PTPN4: variants seen among roughly 807,000 people sequenced by gnomAD.
The protein encoded by PTPN4 is protein tyrosine phosphatase non-receptor type 4.
A neutral mutation model predicts 135.5 loss-of-function variants in PTPN4; 49 were observed. The observed-to-expected ratio is 0.36, with a 90% CI of 0.29 to 0.46. The LOEUF is 0.46. PTPN4 is among the 20% of genes least tolerant of loss of function. The pLI is 1.00. For missense variants in PTPN4, 860 were observed against 1,101.0 expected (o/e 0.78, Z 3.10); for synonymous variants, 333 against 369.9 (o/e 0.90, Z 1.14).
chr2:119,922,293 T>A (rs1260597777), intron 12 of PTPN4, among the ~76,000 whole-genome samples: 1 of 151,168 alleles, frequency 6.6e-6, no homozygotes, highest in Non-Finnish European at 1.5e-5. Context: ...TTACTGCCCT[T>A]GGGGAAGATT....
intron 1 of PTPN4, among the ~76,000 whole-genome samples, chr2:119,805,917 G>A (rs996066300): frequency 9.9e-5 from 15 of 152,254 alleles, no homozygotes; most frequent in African/African-American, 2.6e-4. Context: ...CCATGAGCAT[G>A]GAATGTTCTT....
intron 10 of PTPN4, among the ~76,000 whole-genome samples, chr2:119,914,543 A>G (rs1162240760): frequency 2.0e-5 from 3 of 152,146 alleles, no homozygotes; most frequent in Non-Finnish European, 4.4e-5. Flanking sequence ...ACTTAGAATT[A>G]TCATGAAAAT....
chr2:119,776,886 G>A (rs1690847401), intron 1 of PTPN4, among the ~76,000 whole-genome samples: 1 of 152,184 alleles, frequency 6.6e-6, no homozygotes, highest in Non-Finnish European at 1.5e-5. Context: ...GGAAAGTCAA[G>A]AGTTACATGG....
chr2:119,772,976 A>C (rs187829637), intron 1 of PTPN4, among the ~76,000 whole-genome samples: 1 of 152,320 alleles, frequency 6.6e-6, no homozygotes, highest in Non-Finnish European at 1.5e-5. Flanking sequence ...CACTTCTGAA[A>C]GTGTTTTGAA....
At chr2:119,936,954 A>C (rs929679782) in intron 15 of PTPN4, among the ~76,000 whole-genome samples, 2 of 152,224 alleles carry the variant, frequency 1.3e-5, no homozygotes, top group Non-Finnish European at 2.9e-5. Context: ...TGAAAAGATA[A>C]GCTTAATAAT....
At chr2:119,976,198 C>T (rs1172583946) in intron 26 of PTPN4, among the ~76,000 whole-genome samples, 1 of 151,768 alleles carries the variant, frequency 6.6e-6, no homozygotes, top group South Asian at 2.1e-4. Context: ...GGGGTTTCAC[C>T]GTGTTAGCCA....
chr2:119,960,746 A>G (rs12618050), intron 22 of PTPN4, 61 bp from the exon 23 acceptor site: 1,026,550 of 1,536,166 alleles, frequency 0.67, 348,791 homozygotes, highest in East Asian at 0.81. Context: ...TGATTTTCCT[A>G]TTCCTGATTA....
chr2:119,817,821 A>G (rs1677011448), intron 2 of PTPN4, among the ~76,000 whole-genome samples: 1 of 151,998 alleles, frequency 6.6e-6, no homozygotes, highest in African/African-American at 2.4e-5. Context: ...TCCATTTGTT[A>G]GTGTCCTCTA....
chr2:119,975,084 A>G (rs112046625), intron 26 of PTPN4, among the ~76,000 whole-genome samples: 3 of 152,120 alleles, frequency 2.0e-5, no homozygotes, highest in East Asian at 1.9e-4. Context: ...TATGCAGTCA[A>G]ATTACTGAGG....
chr2:119,764,299 C>T (rs1459731524), intron 1 of PTPN4, among the ~76,000 whole-genome samples: 1 of 152,192 alleles, frequency 6.6e-6, no homozygotes, highest in Non-Finnish European at 1.5e-5. Context: ...ATGCCACCTT[C>T]CCGTTTAAAA....
chr2:119,918,519 T>C (rs751716912), intron 11 of PTPN4, among the ~76,000 whole-genome samples: 2 of 152,278 alleles, frequency 1.3e-5, no homozygotes, highest in Non-Finnish European at 2.9e-5. Context: ...GCCATTAACA[T>C]TGAACCTCAA....
intron 1 of PTPN4, among the ~76,000 whole-genome samples, chr2:119,763,321 G>C (rs2104914477): frequency 6.6e-6 from 1 of 152,192 alleles, no homozygotes; most frequent in East Asian, 1.9e-4. Context: ...TATCAATTTG[G>C]GTTGGTTATT....
At chr2:119,928,934 A>G (rs1266873452) in intron 13 of PTPN4, among the ~76,000 whole-genome samples, 2 of 152,100 alleles carry the variant, frequency 1.3e-5, no homozygotes, top group Non-Finnish European at 2.9e-5. Flanking sequence ...TTTTGATCCT[A>G]TCAGATTTTA....
At chr2:119,857,849 G>A (rs1677704617) in intron 2 of PTPN4, among the ~76,000 whole-genome samples, 1 of 152,062 alleles carries the variant, frequency 6.6e-6, no homozygotes. Flanking sequence ...GATATGGTTT[G>A]GATGTTTGTC....
At chr2:119,883,354 T>C (rs1366465140) in intron 8 of PTPN4, among the ~76,000 whole-genome samples, 1 of 152,124 alleles carries the variant, frequency 6.6e-6, no homozygotes, top group East Asian at 1.9e-4. Context: ...CTTGAAAAAA[T>C]CTGAAATCTG....
In PTPN4 at chr2:119,760,132, T is replaced by C. The variant is rs1427183099; in HGVS notation, c.-270T>C. 2 of 391,382 alleles carry C rather than the reference T, an allele frequency of 5.1e-6. No homozygotes were observed. Among genetic ancestry groups the C allele is most frequent in the African/African-American group, 4.1e-5 (2 of 48,324 alleles). The allele number at this position is 391,382 out of a possible 1,614,324, so 24.2% of individuals were successfully genotyped here. ...TTGGGGGTGTGGATTATCTCATCCCTGCAGGGAGGTAGGAGAGGTCGCCGG... is the reference window on the plus strand; with the variant it reads ...TTGGGGGTGTGGATTATCTCATCCCCGCAGGGAGGTAGGAGAGGTCGCCGG... On this transcript the variant is annotated 5_prime_UTR_variant, in exon 1 of 27. Coordinates refer to ENST00000263708, the MANE Select transcript of PTPN4 (RefSeq NM_002830.4).
intron 26 of PTPN4, among the ~76,000 whole-genome samples, chr2:119,975,984 TTTA>T (rs1481177964): frequency 2.5e-4 from 30 of 119,850 alleles, no homozygotes; most frequent in African/African-American, 9.4e-4. Flanking sequence ...TTATTTTATT[TTTA>T]TTTATTTATT....
At chr2:119,820,738 A>G (rs1286781180) in intron 2 of PTPN4, among the ~76,000 whole-genome samples, 26 of 152,184 alleles carry the variant, frequency 1.7e-4, no homozygotes, top group Admixed American at 1.7e-3. Flanking sequence ...ATATCCATTT[A>G]TTTGAGTCTT....
chr2:119,962,284 G>A (rs1407182939), intron 23 of PTPN4, among the ~76,000 whole-genome samples: 2 of 151,978 alleles, frequency 1.3e-5, no homozygotes, highest in African/African-American at 2.4e-5. Flanking sequence ...GTGAAACCCC[G>A]TCTCTACTAA....
Sources: allele counts gnomAD v4.1 joint callset (sites outside exome capture counted in the v4.1 genomes callset), GRCh38; gene constraint gnomAD v4.1.1; transcripts MANE v1.5; gene names NCBI Gene and HGNC (gene_info 2026-07-23, HGNC 2026-07-21).